ZNF517: variants seen among roughly 807,000 people sequenced by gnomAD.
ZNF517 encodes zinc finger protein 517.
ZNF517 carries 12 observed loss-of-function variants against 12.1 expected under a neutral mutation model. The observed-to-expected ratio is 0.99, with a 90% CI of 0.63 to 1.61. The LOEUF (loss-of-function observed/expected upper bound fraction) is 1.61, where lower values mean the gene tolerates loss of function less well. Among genes scored for constraint, ZNF517 ranks in the 40% most tolerant of loss-of-function variants. ZNF517 has a pLI of 0.00. For missense variants in ZNF517, 781 were observed against 693.2 expected (o/e 1.13, Z -1.42); for synonymous variants, 388 against 310.2 (o/e 1.25, Z -2.63).
intron 1 of ZNF517, among the ~76,000 whole-genome samples, chr8:144,801,790 G>A (rs1227767405): frequency 6.6e-6 from 1 of 152,138 alleles, no homozygotes; most frequent in Non-Finnish European, 1.5e-5. Flanking sequence ...CCAGCACTTT[G>A]GGAGACCGAG....
chr8:144,810,453 G>A (rs1827520270), downstream of ZNF517: 1 of 419,162 alleles, frequency 2.4e-6, no homozygotes, highest in Non-Finnish European at 4.3e-6. Flanking sequence ...GGGGAGGGCT[G>A]GATCCACCCT....
chr8:144,803,263 C>G lies in ZNF517; in HGVS notation c.33+316C>G. ...TCCTGGTGTGAATGGTCAGCCCATC[C>G]TCCCTCTCCTGATGCTGACTCACTG... On this transcript the variant is annotated intron_variant, in intron 2 of 4. Coordinates refer to ENST00000359971, the MANE Select transcript of ZNF517 (RefSeq NM_213605.3). 1.0e-5 allele frequency: 5 copies of G among 484,110 alleles called. No individual in the cohort carries two copies. The South Asian group carries it at 1.4e-4, about 14-fold the overall frequency. 30.0% of individuals were successfully genotyped at this position (484,110 alleles called of 1,614,324 possible).
At chr8:144,811,784 A>G (rs1827564720), downstream of ZNF517, among the ~76,000 whole-genome samples, 1 of 133,078 alleles carries the variant, frequency 7.5e-6, no homozygotes, top group Non-Finnish European at 1.6e-5. Context: ...GCCTGGAAGC[A>G]AAGGCTGAGA....
In ZNF517 at chr8:144,808,467, C is replaced by T; in HGVS notation, c.*72C>T. 2.1e-6 allele frequency: 3 copies of T among 1,416,302 alleles called. No homozygotes were observed. Among genetic ancestry groups the T allele is most frequent in the Non-Finnish European group, 2.8e-6 (3 of 1,085,118 alleles). The allele number at this position is 1,416,302 out of a possible 1,614,324, so 87.7% of individuals were successfully genotyped here. ...CCGGCGGGGCCCTAGCGCAGAAATT[C>T]AGAACCCCCTGTCCTGAAGGTGAAG... On this transcript the variant is annotated 3_prime_UTR_variant, in exon 5 of 5. Coordinates refer to ENST00000359971, the MANE Select transcript of ZNF517 (RefSeq NM_213605.3).
At chr8:144,807,033 T>G (rs1398041499) in intron 4 of ZNF517, among the ~76,000 whole-genome samples, 158 bp from the exon 5 acceptor site, 1 of 152,226 alleles carries the variant, frequency 6.6e-6, no homozygotes, top group Non-Finnish European at 1.5e-5. Context: ...TTCTCCTGCC[T>G]CAGCCTCCTG....
In ZNF517 at chr8:144,807,345, C is replaced by T. The variant is rs1384640447; in HGVS notation, c.429C>T (p.Asp143=). The change falls in exon 5 of 5, where the codon GAC becomes GAT. Residue 143 remains aspartate (D), a synonymous_variant. Transcript: ENST00000359971. The stretch of plus-strand genomic sequence containing the variant: ...CCCACCCGCATGGCGGTCCTGAGGA[C>T]GGGTCAGATAAACCCACCCACCCCC... ...APPHPHGGPE[D]GSDKPTHPRA... is the part of the protein sequence containing the mutation. The T allele has an allele frequency of 5.8e-6, 9 of 1,553,870 alleles. No individual in the cohort carries two copies. Among genetic ancestry groups the T allele is most frequent in the Non-Finnish European group, 7.8e-6 (9 of 1,148,534 alleles).
rs2979082 is a variant in ZNF517, at chr8:144,809,973, A to G, written c.*1578A>G. The G allele has an allele frequency of 0.52, 226,584 of 431,692 alleles. 61,498 individuals are homozygous for G. Among genetic ancestry groups the G allele is most frequent in the East Asian group, 0.72 (21,288 of 29,612 alleles). The allele number at this position is 431,692 out of a possible 1,614,324, so 26.7% of individuals were successfully genotyped here. On this transcript the variant is annotated 3_prime_UTR_variant, in exon 5 of 5. Transcript: ENST00000359971. ...GAGGCTGAAGCAGGAGAATCACTTC[A>G]ACCTGGGAGGTAGAGGTTGCAGTGA... is the stretch of plus-strand genomic sequence containing the variant.
intron 3 of ZNF517, 72 bp downstream of exon 3, chr8:144,803,839 T>C: frequency 6.4e-7 from 1 of 1,561,624 alleles, no homozygotes; most frequent in African/African-American, 1.4e-5. Context: ...GTTGGTTCCA[T>C]TGCAGATTCA....
rs1265257312 is a variant in ZNF517 at position 144,808,399 on chromosome 8, C to T, written c.*4C>T. On this transcript the variant is annotated 3_prime_UTR_variant, in exon 5 of 5. Transcript: ENST00000359971. ...GGCGCCCTGTTGGGCTTCCTGATGA[C>T]GGGGACGACAGGCCGAGGATTCACG... The T allele has an allele frequency of 4.1e-6, 6 of 1,452,212 alleles. No homozygotes were observed. In the South Asian group the frequency reaches 5.9e-5, roughly 14 times the overall value. The allele number at this position is 1,452,212 out of a possible 1,614,324, so 90.0% of individuals were successfully genotyped here. A position where few individuals can be genotyped will look rare whatever the true frequency, so the allele number is the denominator to read the frequency against.
At chr8:144,811,367 C>T (rs977761833), downstream of ZNF517, among the ~76,000 whole-genome samples, 2 of 152,238 alleles carry the variant, frequency 1.3e-5, no homozygotes, top group African/African-American at 4.8e-5. Flanking sequence ...TACTGTGCAG[C>T]GCCTGAGACA....
chr8:144,802,369 C>G (rs996227500), intron 1 of ZNF517, among the ~76,000 whole-genome samples: 6 of 152,212 alleles, frequency 3.9e-5, no homozygotes, highest in African/African-American at 1.4e-4. Flanking sequence ...GAGCGAAACC[C>G]CGTCTCAAAC....
At chr8:144,810,108 G>A (rs1289613439), downstream of ZNF517, 2 of 637,854 alleles carry the variant, frequency 3.1e-6, no homozygotes. Context: ...CTCTCTAGAG[G>A]ACCCTAATAC....
rs1827415049 is a variant in ZNF517, at chr8:144,808,542, C to T, written c.*147C>T. Reference sequence around the variant, plus strand: ...CCCATCAGGAGCTCGGCTTCTTGCTCCAGCCGGGCACTGGGGAGGGAAAGG... The same window carrying T: ...CCCATCAGGAGCTCGGCTTCTTGCTTCAGCCGGGCACTGGGGAGGGAAAGG... On this transcript the variant is annotated 3_prime_UTR_variant, in exon 5 of 5. Transcript: ENST00000359971. 3.4e-6 allele frequency: 4 copies of T among 1,191,166 alleles called. No homozygotes were observed. Among genetic ancestry groups the T allele is most frequent in the Middle Eastern group, 3.0e-4 (1 of 3,306 alleles). The allele number at this position is 1,191,166 out of a possible 1,614,324, so 73.8% of individuals were successfully genotyped here.
chr8:144,806,362 C>A (rs866759238), intron 4 of ZNF517, among the ~76,000 whole-genome samples: 3 of 152,212 alleles, frequency 2.0e-5, no homozygotes, highest in Admixed American at 6.5e-5. Flanking sequence ...CCTGGCCTGT[C>A]TTCCCTGCCA....
intron 3 of ZNF517, 156 bp downstream of exon 3, chr8:144,803,923 C>A (rs573187932): frequency 9.0e-6 from 11 of 1,217,464 alleles, no homozygotes; most frequent in Admixed American, 2.7e-5. Flanking sequence ...TGGGCACCCA[C>A]TGCCAGCGTC....
chr8:144,802,957 C>T lies in ZNF517; in HGVS notation c.33+10C>T, dbSNP rs564100411. 6.3e-5 allele frequency: 102 copies of T among 1,613,758 alleles called. No individual in the cohort carries two copies. The highest frequency in any genetic ancestry group is 8.1e-5 in the Non-Finnish European group (96 of 1,179,916). On this transcript the variant is annotated intron_variant, in intron 2 of 4. Coordinates refer to ENST00000359971, the MANE Select transcript of ZNF517 (RefSeq NM_213605.3). ...GATGCCTGGACCTCAGGTGAGCACCCCCTGAGCCCGTCCATTGCCCCAGGA... is the reference window on the plus strand; with the variant it reads ...GATGCCTGGACCTCAGGTGAGCACCTCCTGAGCCCGTCCATTGCCCCAGGA...
chr8:144,804,360 C>A, intron 4 of ZNF517, 122 bp downstream of exon 4: 1 of 645,238 alleles, frequency 1.5e-6, no homozygotes, highest in Non-Finnish European at 2.5e-6. Flanking sequence ...CACAGCAGGG[C>A]CAGATTTCCT....
rs1436203193 is a variant in ZNF517, at chr8:144,807,883, G to C, written c.967G>C (p.Gly323Arg). 5 of 1,554,976 alleles carry C rather than the reference G, an allele frequency of 3.2e-6. No individual in the cohort carries two copies. In the East Asian group the frequency reaches 1.1e-4, roughly 35 times the overall value. The part of the protein sequence containing the change: ...GERPYRCLRC[G>R]QRFIRGSSLL... ...GCGGCCCTACCGGTGCCTGCGGTGT[G>C]GGCAGCGCTTCATCCGAGGGTCCTC... The change falls in exon 5 of 5, where the codon GGG becomes CGG. Residue 323 changes from glycine (G) to arginine (R), a missense_variant. By Grantham distance (125) the Gly-to-Arg change is moderately radical. Transcript: ENST00000359971.
chr8:144,807,558 CA>C lies in ZNF517; in HGVS notation c.644del (p.Lys215SerfsTer11). On this transcript the variant is annotated frameshift_variant, in exon 5 of 5. Coordinates refer to ENST00000359971, the MANE Select transcript of ZNF517 (RefSeq NM_213605.3). LOFTEE classifies it low-confidence loss of function (END_TRUNC). ...FQCTECGKAF[K>X]QSSILLRHQL... ...AGTGCACAGAGTGCGGGAAGGCCTT[CA>C]AGCAAAGCTCCATCCTGCTGCGGCA... is the stretch of plus-strand genomic sequence containing the variant. The C allele has an allele frequency of 6.2e-7, 1 of 1,600,048 alleles. No homozygotes were observed. Among genetic ancestry groups the C allele is most frequent in the South Asian group, 1.1e-5 (1 of 89,214 alleles).
Sources: gnomAD v4.1 joint callset for allele counts (sites outside exome capture counted in the v4.1 genomes callset) on GRCh38, gnomAD v4.1.1 for gene constraint, MANE v1.5 for transcripts, NCBI Gene and HGNC (gene_info 2026-07-23, HGNC 2026-07-21) for gene names.